The following GABRB1 variants were observed in gnomAD, a reference collection of about 807,000 sequenced individuals.
GABRB1 encodes the protein gamma-aminobutyric acid type A receptor subunit beta1.
GABRB1 carries 17 observed loss-of-function variants against 51.6 expected under a neutral mutation model. The ratio of observed to expected loss-of-function variants is 0.33; its 90% CI spans 0.23 to 0.49. The LOEUF is 0.49. Ranked by LOEUF, GABRB1 falls within the 20% of genes least tolerant of loss-of-function variation. The probability of loss-of-function intolerance (pLI) is 0.99; values close to 1 mark genes in which losing one functional copy is unlikely to be tolerated. For missense variants in GABRB1, 410 were observed against 600.6 expected (o/e 0.68, Z 3.32); for synonymous variants, 247 against 218.9 (o/e 1.13, Z -1.14).
At chr4:47,067,756 G>A (rs1344702922) in intron 3 of GABRB1, among the ~76,000 whole-genome samples, 2 of 151,460 alleles carry the variant, frequency 1.3e-5, no homozygotes, top group Non-Finnish European at 2.9e-5. Context: ...TTTAAGTTCT[G>A]GGGTACATGT....
intron 3 of GABRB1, among the ~76,000 whole-genome samples, chr4:47,119,830 C>A (rs1715686927): frequency 6.6e-6 from 1 of 151,652 alleles, no homozygotes; most frequent in African/African-American, 2.4e-5. Context: ...TGTATAAACA[C>A]ACAGTATTAC....
Position 47,297,287 on chromosome 4 carries a change from C to T in GABRB1, c.462-22840C>T, listed in dbSNP as rs555725531. Among the ~76,000 whole-genome samples the T allele has an allele frequency of 3.1e-4, 27 of 87,480 alleles. 1 individual carries two copies. In the South Asian group the frequency reaches 8.1e-3, roughly 26 times the overall value. The allele number at this position is 87,480 out of a possible 152,430, so 57.4% of individuals were successfully genotyped here. On this transcript the variant is annotated intron_variant, in intron 4 of 8. Coordinates refer to ENST00000295454, the MANE Select transcript of GABRB1 (RefSeq NM_000812.4). ...AGCAGAACTGAAGGAAATAGAGACA[C>T]AAAAACCCTTCAAAAAATTAATGAA...
chr4:47,389,716 T>C (rs1727921574), intron 5 of GABRB1, among the ~76,000 whole-genome samples: 1 of 152,194 alleles, frequency 6.6e-6, no homozygotes, highest in African/African-American at 2.4e-5. Flanking sequence ...CTGGAGCCAC[T>C]GGAAAAATTA....
intron 3 of GABRB1, among the ~76,000 whole-genome samples, chr4:47,054,682 A>T (rs1726511861): frequency 6.6e-6 from 1 of 151,832 alleles, no homozygotes; most frequent in Non-Finnish European, 1.5e-5. Flanking sequence ...CCCCACATTC[A>T]AGCAATTCTC....
intron 4 of GABRB1, among the ~76,000 whole-genome samples, chr4:47,288,209 T>C (rs750405445): frequency 1.3e-4 from 19 of 151,974 alleles, no homozygotes; most frequent in Non-Finnish European, 2.4e-4. Flanking sequence ...CACAAGATTG[T>C]TAGCACCTTG....
At chr4:47,178,292 C>T (rs186661916) in intron 4 of GABRB1, among the ~76,000 whole-genome samples, 16 of 152,220 alleles carry the variant, frequency 1.1e-4, no homozygotes, top group African/African-American at 3.4e-4. Flanking sequence ...GAGTCTATCT[C>T]TTTAATGTGT....
At chr4:47,142,637 A>G (rs1354117220) in intron 3 of GABRB1, among the ~76,000 whole-genome samples, 2 of 151,954 alleles carry the variant, frequency 1.3e-5, no homozygotes, top group Non-Finnish European at 2.9e-5. Flanking sequence ...AGAATTATAT[A>G]GTTATTCAGA....
intron 4 of GABRB1, among the ~76,000 whole-genome samples, chr4:47,198,997 G>A (rs1719797371): frequency 2.0e-5 from 3 of 152,182 alleles, no homozygotes; most frequent in East Asian, 1.9e-4. Flanking sequence ...CCACCCCCAT[G>A]ATCCAATTAC....
At chr4:47,044,422 T>C (rs1725996234) in intron 3 of GABRB1, among the ~76,000 whole-genome samples, 1 of 152,048 alleles carries the variant, frequency 6.6e-6, no homozygotes, top group African/African-American at 2.4e-5. Flanking sequence ...TAAATCACTT[T>C]AAGATGTCAG....
At chr4:47,195,056 G>A (rs988935305) in intron 4 of GABRB1, among the ~76,000 whole-genome samples, 2 of 152,102 alleles carry the variant, frequency 1.3e-5, no homozygotes, top group African/African-American at 4.8e-5. Flanking sequence ...AGGTGGGTAA[G>A]GTGTTCTGCT....
At chr4:47,410,086 T>C (rs1728709372) in intron 8 of GABRB1, among the ~76,000 whole-genome samples, 2 of 152,358 alleles carry the variant, frequency 1.3e-5, no homozygotes, top group Non-Finnish European at 2.9e-5. Context: ...TCCTGGTAAA[T>C]TGACTTTTTA....
At chr4:47,067,038 T>TGGA (rs1466253238) in intron 3 of GABRB1, among the ~76,000 whole-genome samples, 1 of 152,226 alleles carries the variant, frequency 6.6e-6, no homozygotes, top group Non-Finnish European at 1.5e-5. Context: ...GTTAGAGGGC[T>TGGA]GGAAAACAGC....
intron 8 of GABRB1, among the ~76,000 whole-genome samples, chr4:47,413,076 G>T (rs908816349): frequency 1.6e-4 from 24 of 152,196 alleles, no homozygotes; most frequent in African/African-American, 5.8e-4. Flanking sequence ...TACTGGCACA[G>T]CTGCCAGCAT....
intron 3 of GABRB1, among the ~76,000 whole-genome samples, chr4:47,123,092 A>C (rs1305931146): frequency 6.6e-6 from 1 of 151,990 alleles, no homozygotes; most frequent in Non-Finnish European, 1.5e-5. Context: ...CTCTTGAATT[A>C]TTCCAGTGCT....
At chr4:47,188,605 T>TA (rs903301011) in intron 4 of GABRB1, among the ~76,000 whole-genome samples, 26 of 151,134 alleles carry the variant, frequency 1.7e-4, no homozygotes, top group South Asian at 1.3e-3. Context: ...AATAAAAATT[T>TA]AAAAAAAAAC....
chr4:47,031,767 T>G (rs1725311059), intron 1 of GABRB1, 36 bp downstream of exon 1: 1 of 1,575,570 alleles, frequency 6.3e-7, no homozygotes, highest in Non-Finnish European at 8.7e-7. Flanking sequence ...TCTCTCTCTC[T>G]CTCTCTCTTT....
intron 5 of GABRB1, among the ~76,000 whole-genome samples, chr4:47,339,088 A>T (rs1399757900): frequency 2.0e-5 from 3 of 152,196 alleles, no homozygotes; most frequent in Non-Finnish European, 2.9e-5. Flanking sequence ...TAGGCAAAAC[A>T]AGCCCCAGCT....
chr4:47,256,323 T>C (rs987398688), intron 4 of GABRB1, among the ~76,000 whole-genome samples: 2 of 152,216 alleles, frequency 1.3e-5, no homozygotes, highest in African/African-American at 2.4e-5. Context: ...CATGCTAAAA[T>C]AGAAAAGGTT....
At chr4:47,048,182 T>C (rs180764922) in intron 3 of GABRB1, among the ~76,000 whole-genome samples, 12 of 152,280 alleles carry the variant, frequency 7.9e-5, no homozygotes, top group Non-Finnish European at 1.6e-4. Context: ...CTTTTTAGTA[T>C]ATATACTTGA....
Sources: allele counts gnomAD v4.1 joint callset (sites outside exome capture counted in the v4.1 genomes callset), GRCh38; gene constraint gnomAD v4.1.1; transcripts MANE v1.5; gene names NCBI Gene and HGNC (gene_info 2026-07-23, HGNC 2026-07-21).